The following MAP7D1 variants were observed in gnomAD, a reference collection of about 807,000 sequenced individuals.
The protein encoded by MAP7D1 is MAP7 domain-containing protein 1.
A neutral mutation model predicts 97.5 loss-of-function variants in MAP7D1; 30 were observed. The ratio of observed to expected loss-of-function variants is 0.31; its 90% CI spans 0.23 to 0.42. MAP7D1 has a LOEUF of 0.42. MAP7D1 is among the 10% of genes least tolerant of loss of function. MAP7D1 has a pLI of 1.00. For missense variants in MAP7D1, 1,184 were observed against 1,179.5 expected (o/e 1.00, Z -0.06); for synonymous variants, 536 against 477.1 (o/e 1.12, Z -1.61).
Position 36,174,951 on chromosome 1 carries a change from A to G in MAP7D1, c.793A>G (p.Ile265Val). ...AVNLPKHVDS[I>V]INKRLSKSSA... Reference sequence around the variant, plus strand: ...TAACCTGCCCAAACACGTGGACTCTATAATCAACAAGCGGCTCTCAAAGTC... The same window carrying G: ...TAACCTGCCCAAACACGTGGACTCTGTAATCAACAAGCGGCTCTCAAAGTC... The change falls in exon 6 of 17, where the codon ATA becomes GTA. Residue 265 changes from isoleucine (I) to valine (V), a missense_variant. Ile to Val is a conservative substitution (Grantham distance 29). Coordinates refer to ENST00000474796, the MANE Select transcript of MAP7D1 (RefSeq NM_001388490.1). 2.5e-6 allele frequency: 4 copies of G among 1,613,910 alleles called. No individual in the cohort carries two copies. Among genetic ancestry groups the G allele is most frequent in the Non-Finnish European group, 3.4e-6 (4 of 1,179,944 alleles).
intron 11 of MAP7D1, 27 bp downstream of exon 11, chr1:36,178,850 G>A (rs1473198024): frequency 1.9e-5 from 29 of 1,545,142 alleles, no homozygotes; most frequent in Middle Eastern, 1.9e-4. Context: ...GGAAGCGGCT[G>A]GGCGCGGGCG....
intron 8 of MAP7D1, chr1:36,177,453 G>A (rs975986060): frequency 9.4e-6 from 4 of 424,656 alleles, no homozygotes; most frequent in African/African-American, 2.0e-5. Flanking sequence ...CCAGGAGGTC[G>A]AGGCTGTAGT....
At position 36,177,907 on chromosome 1, in the gene MAP7D1, A is replaced by C. The variant is rs1404192195; in HGVS notation, c.1414A>C (p.Thr472Pro). ...CAAGGCCAGGCCATCCTCTCCCTCC[A>C]CATCCTGGCACAGGCCTGCCTCCCC... ...KSKARPSSPS[T>P]SWHRPASPCP... The change falls in exon 9 of 17, where the codon ACA becomes CCA. Residue 472 changes from threonine to proline, a missense_variant. By Grantham distance (38) the Thr-to-Pro change is conservative. Coordinates refer to ENST00000474796, the MANE Select transcript of MAP7D1 (RefSeq NM_001388490.1). 1 of 1,547,826 alleles carries C rather than the reference A, an allele frequency of 6.5e-7. No individual in the cohort carries two copies. The highest frequency in any genetic ancestry group is 1.4e-5 in the African/African-American group (1 of 72,694).
At chr1:36,158,924 A>AT (rs1309546350) in intron 1 of MAP7D1, among the ~76,000 whole-genome samples, 3 of 152,214 alleles carry the variant, frequency 2.0e-5, no homozygotes, top group African/African-American at 7.2e-5. Flanking sequence ...AATGAGAATA[A>AT]TGCTAGAAAT....
At chr1:36,170,200 T>C (rs1644522143) in intron 1 of MAP7D1, among the ~76,000 whole-genome samples, 1 of 152,318 alleles carries the variant, frequency 6.6e-6, no homozygotes, top group South Asian at 2.1e-4. Context: ...CATGTGTATA[T>C]GTCAAATCGT....
At position 36,178,609 on chromosome 1, in the gene MAP7D1, C is replaced by G; in HGVS notation, c.1886+13C>G. ...CAGAAAGGGACAAGTGAGTGCGCCTCGGGGACTGAGGGGGCCCTCGTGGGC... is the reference window on the plus strand; with the variant it reads ...CAGAAAGGGACAAGTGAGTGCGCCTGGGGGACTGAGGGGGCCCTCGTGGGC... On this transcript the variant is annotated intron_variant, in intron 10 of 16. Transcript: ENST00000474796. 2 of 1,566,168 alleles carry G rather than the reference C, an allele frequency of 1.3e-6. No individual in the cohort carries two copies. Among genetic ancestry groups the G allele is most frequent in the Non-Finnish European group, 1.7e-6 (2 of 1,158,896 alleles).
At chr1:36,162,615 A>T (rs1644427927) in intron 1 of MAP7D1, among the ~76,000 whole-genome samples, 1 of 152,220 alleles carries the variant, frequency 6.6e-6, no homozygotes, top group Admixed American at 6.5e-5. Context: ...TAGGATTGTC[A>T]TCAGGATCAA....
intron 1 of MAP7D1, 118 bp downstream of exon 1, chr1:36,156,581 T>G: frequency 1.3e-6 from 1 of 784,970 alleles, no homozygotes; most frequent in Non-Finnish European, 1.8e-6. Flanking sequence ...TCTGACCACT[T>G]GGAAGTTTAA....
intron 1 of MAP7D1, among the ~76,000 whole-genome samples, chr1:36,158,093 C>T (rs1644361711): frequency 6.6e-6 from 1 of 151,644 alleles, no homozygotes; most frequent in South Asian, 2.1e-4. Context: ...GGTAGGATGC[C>T]TAGACTGAAT....
chr1:36,179,355 C>T, intron 13 of MAP7D1, 40 bp downstream of exon 13: 1 of 1,610,340 alleles, frequency 6.2e-7, no homozygotes, highest in Non-Finnish European at 8.5e-7. Context: ...GCGTGGGGGG[C>T]AGGGTGTGAA....
rs1049111775 is a variant in MAP7D1, at chr1:36,171,244, G to C, written c.320G>C (p.Arg107Thr). ...CCAGCCATGGGCCCACGGGATGCCA[G>C]ACCTCCTCGAAGGAGCAGCCAGCCA... ...TPPAMGPRDA[R>T]PPRRSSQPSP... is the part of the protein sequence containing the mutation. The change falls in exon 2 of 17, where the codon AGA becomes ACA. Residue 107 changes from arginine to threonine, a missense_variant. Arg to Thr is a moderately conservative substitution (Grantham distance 71). Transcript: ENST00000474796. 1.9e-6 allele frequency: 3 copies of C among 1,605,972 alleles called. No individual in the cohort carries two copies. Among genetic ancestry groups the C allele is most frequent in the South Asian group, 2.2e-5 (2 of 90,306 alleles).
chr1:36,167,035 G>C (rs2124217013), intron 1 of MAP7D1, among the ~76,000 whole-genome samples: 1 of 152,300 alleles, frequency 6.6e-6, no homozygotes, highest in Non-Finnish European at 1.5e-5. Context: ...GCTGGGAGTT[G>C]CATGAGTGAA....
Position 36,179,854 on chromosome 1 carries a change from C to G in MAP7D1, c.2319-20C>G, listed in dbSNP as rs764569945. On this transcript the variant is annotated intron_variant, in intron 15 of 16. Transcript: ENST00000474796. ...TTTCCTGGGAGGTGAGGTGCTGAGCCTTGGCCTCTGCATCCACAGTCTCCC... is the reference window on the plus strand; with the variant it reads ...TTTCCTGGGAGGTGAGGTGCTGAGCGTTGGCCTCTGCATCCACAGTCTCCC... 2 of 1,604,348 alleles carry G rather than the reference C, an allele frequency of 1.2e-6. No individual in the cohort carries two copies. Among genetic ancestry groups the G allele is most frequent in the Non-Finnish European group, 1.7e-6 (2 of 1,174,270 alleles).
intron 2 of MAP7D1, 61 bp downstream of exon 2, chr1:36,171,376 C>A: frequency 6.5e-7 from 1 of 1,540,054 alleles, no homozygotes; most frequent in South Asian, 1.2e-5. Context: ...GGCCCTGGAT[C>A]ATGCCAACTG....
At chr1:36,166,726 T>G (rs1182629507) in intron 1 of MAP7D1, among the ~76,000 whole-genome samples, 1 of 152,164 alleles carries the variant, frequency 6.6e-6, no homozygotes, top group African/African-American at 2.4e-5. Context: ...CTCTGGCTAC[T>G]GTGTTGAGAA....
Position 36,180,576 on chromosome 1 carries a change from A to G in MAP7D1, c.*318A>G, listed in dbSNP as rs1024298813. The G allele has an allele frequency of 3.8e-5, 17 of 442,272 alleles. No individual in the cohort carries two copies. Among genetic ancestry groups the G allele is most frequent in the Non-Finnish European group, 7.1e-5 (17 of 239,634 alleles). The allele number at this position is 442,272 out of a possible 1,614,324, so 27.4% of individuals were successfully genotyped here. ...TATTTGCCTTGATTTGGTGGGGTAC[A>G]GTGGATGTGAATACTGTAAATAGCT... On this transcript the variant is annotated 3_prime_UTR_variant, in exon 17 of 17. Transcript: ENST00000474796.
chr1:36,174,726 A>ACCCCCCCCCCCCCCCC (rs907807838), intron 5 of MAP7D1, among the ~76,000 whole-genome samples, 172 bp from the exon 6 acceptor site: 1 of 93,438 alleles, frequency 1.1e-5, no homozygotes, highest in African/African-American at 4.2e-5. Flanking sequence ...CTGGTCACCT[A>ACCCCCCCCCCCCCCCC]CCCCCCCACC....
rs759859844 is a variant in MAP7D1, at chr1:36,179,776, G to C, written c.2318+20G>C. 16 of 1,539,272 alleles carry C rather than the reference G, an allele frequency of 1.0e-5. No individual in the cohort carries two copies. The highest frequency in any genetic ancestry group is 1.4e-5 in the Non-Finnish European group (16 of 1,145,834). ...GTGGAGGTACCAGCTTCCAATCCCA[G>C]GGTCCCTGAGCAGGGAGGCAGACTG... On this transcript the variant is annotated intron_variant, in intron 15 of 16. Transcript: ENST00000474796.
chr1:36,172,300 C>G, intron 3 of MAP7D1, 164 bp from the exon 4 acceptor site: 1 of 617,034 alleles, frequency 1.6e-6, no homozygotes, highest in Non-Finnish European at 2.6e-6. Context: ...CAGTAAGCCT[C>G]TCAATTTGAG....
Sources: allele counts gnomAD v4.1 joint callset (sites outside exome capture counted in the v4.1 genomes callset), GRCh38; gene constraint gnomAD v4.1.1; transcripts MANE v1.5; gene names NCBI Gene and HGNC (gene_info 2026-07-23, HGNC 2026-07-21).